The following FOXP2 variants were observed in gnomAD, a reference collection of about 807,000 sequenced individuals.
FOXP2 encodes the protein forkhead box P2.
Under a neutral mutation model 115.8 loss-of-function variants are expected in FOXP2, and 12 were observed. The observed-to-expected ratio is 0.10, with a 90% CI of 0.07 to 0.17. The LOEUF (loss-of-function observed/expected upper bound fraction) is 0.17, where lower values mean the gene tolerates loss of function less well. FOXP2 is among the 10% of genes least tolerant of loss of function. The pLI, the probability that FOXP2 is intolerant of heterozygous loss-of-function variation, is 1.00. For missense variants in FOXP2, 629 were observed against 843.5 expected, an observed-to-expected ratio of 0.75 and a Z score of 3.15; for synonymous variants, 328 against 297.7, an observed-to-expected ratio of 1.10 and a Z score of -1.05.
upstream of FOXP2, chr7:114,414,631 T>C (rs947505464): frequency 1.9e-5 from 3 of 161,290 alleles, no homozygotes; most frequent in African/African-American, 7.2e-5. Context: ...GGTTTTGATG[T>C]GCATTGAAGA....
chr7:114,503,716 T>C (rs1291493060), intron 2 of FOXP2, among the ~76,000 whole-genome samples: 1 of 151,292 alleles, frequency 6.6e-6, no homozygotes, highest in East Asian at 1.9e-4. Context: ...TTGTTTACTT[T>C]TTCCCCCAAT....
chr7:114,677,978 A>G (rs1173107316), intron 16 of FOXP2, among the ~76,000 whole-genome samples: 2 of 152,262 alleles, frequency 1.3e-5, no homozygotes, highest in Non-Finnish European at 2.9e-5. Context: ...AGGGATAAGT[A>G]CATAGGTAGT....
chr7:114,662,612 TA>T (rs1806931975), intron 14 of FOXP2, among the ~76,000 whole-genome samples: 1 of 152,008 alleles, frequency 6.6e-6, no homozygotes, highest in Admixed American at 6.6e-5. Flanking sequence ...GAAGACTTTA[TA>T]AAAAAATAAG....
At chr7:114,439,040 T>A (rs1421878527) in intron 2 of FOXP2, among the ~76,000 whole-genome samples, 1 of 152,160 alleles carries the variant, frequency 6.6e-6, no homozygotes, top group Non-Finnish European at 1.5e-5. Context: ...AATTAATAAT[T>A]TTAAAAAGAC....
chr7:114,498,300 C>T (rs562738108), intron 2 of FOXP2, among the ~76,000 whole-genome samples: 1 of 152,234 alleles, frequency 6.6e-6, no homozygotes, highest in African/African-American at 2.4e-5. Context: ...ATGGTTTGGA[C>T]TTACTTAATA....
At chr7:114,598,726 G>T (rs1802855365) in intron 3 of FOXP2, among the ~76,000 whole-genome samples, 1 of 152,178 alleles carries the variant, frequency 6.6e-6, no homozygotes, top group South Asian at 2.1e-4. Context: ...AAACTGAAAT[G>T]CTATACCCAT....
chr7:114,256,769 A>G (rs1036625375), intron 1 of FOXP2, among the ~76,000 whole-genome samples: 13 of 152,218 alleles, frequency 8.5e-5, no homozygotes, highest in Admixed American at 2.6e-4. Context: ...AAGGGGAACT[A>G]TAAACTCTGC....
chr7:114,659,277 T>C, intron 11 of FOXP2, 79 bp from the exon 12 acceptor site: 1 of 1,039,246 alleles, frequency 9.6e-7, no homozygotes, highest in Non-Finnish European at 1.5e-6. Flanking sequence ...ACTTTACCAA[T>C]ACTAGAGGAA....
At chr7:114,646,308 A>G (rs1168000621) in intron 8 of FOXP2, among the ~76,000 whole-genome samples, 2 of 152,016 alleles carry the variant, frequency 1.3e-5, no homozygotes, top group Non-Finnish European at 2.9e-5. Flanking sequence ...TTCAAAATAA[A>G]TCTTTAGGTG....
intron 1 of FOXP2, among the ~76,000 whole-genome samples, chr7:114,232,898 A>G (rs978807671): frequency 6.6e-6 from 1 of 152,218 alleles, no homozygotes; most frequent in African/African-American, 2.4e-5. Context: ...ATTATGCTAA[A>G]TGAAATAAAT....
intron 2 of FOXP2, among the ~76,000 whole-genome samples, chr7:114,449,462 A>G (rs572048769): frequency 6.6e-6 from 1 of 152,188 alleles, no homozygotes; most frequent in South Asian, 2.1e-4. Flanking sequence ...TGCCCCCAAA[A>G]CACGGTTCCC....
chr7:114,408,451 G>T (rs1357486271), intron 2 of FOXP2, among the ~76,000 whole-genome samples: 2 of 152,122 alleles, frequency 1.3e-5, no homozygotes, highest in Non-Finnish European at 2.9e-5. Context: ...AATGGGCCAG[G>T]CGCAGTGGCT....
chr7:114,506,696 A>G (rs1459095725), intron 2 of FOXP2, among the ~76,000 whole-genome samples: 1 of 151,708 alleles, frequency 6.6e-6, no homozygotes, highest in African/African-American at 2.4e-5. Context: ...AATATTTCAC[A>G]TTTATTGCAA....
chr7:114,295,009 G>A (rs1463953481), intron 2 of FOXP2, among the ~76,000 whole-genome samples: 2 of 151,576 alleles, frequency 1.3e-5, no homozygotes, highest in Non-Finnish European at 2.9e-5. Flanking sequence ...CAAACATAAT[G>A]CACTATATTA....
chr7:114,093,864 T>G (rs1277469053), intron 1 of FOXP2, among the ~76,000 whole-genome samples: 1 of 152,122 alleles, frequency 6.6e-6, no homozygotes, highest in Non-Finnish European at 1.5e-5. Context: ...ACAACAAACT[T>G]TTAGTAGTTC....
At chr7:114,311,431 C>T (rs1797144699) in intron 2 of FOXP2, among the ~76,000 whole-genome samples, 1 of 152,134 alleles carries the variant, frequency 6.6e-6, no homozygotes, top group Admixed American at 6.5e-5. Flanking sequence ...AAAGTGGTAT[C>T]CAGCCAGGTC....
At chr7:114,481,728 A>G (rs1042952033) in intron 2 of FOXP2, among the ~76,000 whole-genome samples, 3 of 151,174 alleles carry the variant, frequency 2.0e-5, no homozygotes, top group Admixed American at 6.6e-5. Context: ...AAATGTTACT[A>G]TTACTGTTCG....
chr7:114,365,093 T>G (rs1429893249), intron 2 of FOXP2, among the ~76,000 whole-genome samples: 1 of 152,186 alleles, frequency 6.6e-6, no homozygotes, highest in Non-Finnish European at 1.5e-5. Flanking sequence ...GATTCACTTT[T>G]AATTTTTTTT....
intron 2 of FOXP2, among the ~76,000 whole-genome samples, chr7:114,334,362 C>A (rs1436084566): frequency 7.0e-6 from 1 of 142,700 alleles, no homozygotes; most frequent in Non-Finnish European, 1.5e-5. Context: ...AAGTAGCTCC[C>A]AAATTCAAAC....
Sources: allele counts gnomAD v4.1 joint callset (sites outside exome capture counted in the v4.1 genomes callset), GRCh38; gene constraint gnomAD v4.1.1; transcripts MANE v1.5; gene names NCBI Gene and HGNC (gene_info 2026-07-23, HGNC 2026-07-21).